Variants in CTIF observed in about 807,000 individuals in gnomAD.
CTIF encodes cap binding complex dependent translation initiation factor.
Under a neutral mutation model 66.0 loss-of-function variants are expected in CTIF, and 21 were observed. The ratio of observed to expected loss-of-function variants is 0.32; its 90% CI spans 0.23 to 0.46. The LOEUF (loss-of-function observed/expected upper bound fraction) is 0.46. CTIF is among the 20% of genes least tolerant of loss of function. The probability of loss-of-function intolerance (pLI) is 1.00; values close to 1 mark genes in which losing one functional copy is unlikely to be tolerated. For synonymous variants in CTIF, 345 were observed against 326.4 expected (o/e 1.06, Z -0.62); for missense variants, 739 against 812.7 (o/e 0.91, Z 1.10).
At chr18:48,676,976 A>G (rs992198061) in intron 6 of CTIF, among the ~76,000 whole-genome samples, 4 of 151,884 alleles carry the variant, frequency 2.6e-5, no homozygotes, top group Non-Finnish European at 5.9e-5. Context: ...CGCTGCTGCT[A>G]TTTAGTAATG....
chr18:48,716,063 A>G (rs1204810925), intron 7 of CTIF, among the ~76,000 whole-genome samples: 1 of 152,210 alleles, frequency 6.6e-6, no homozygotes, highest in East Asian at 1.9e-4. Context: ...GGCTGTCTGC[A>G]CAGCACTTCC....
At chr18:48,846,000 T>C (rs1229227243) in intron 10 of CTIF, among the ~76,000 whole-genome samples, 1 of 152,118 alleles carries the variant, frequency 6.6e-6, no homozygotes, top group Non-Finnish European at 1.5e-5. Context: ...TACCTACATC[T>C]CCATGCTATG....
chr18:48,836,903 A>T (rs74691375), intron 10 of CTIF, among the ~76,000 whole-genome samples: 13,281 of 152,230 alleles, frequency 0.087, 650 homozygotes, highest in Middle Eastern at 0.12. Context: ...GCCGGGGCCC[A>T]GTGGGACACC....
chr18:48,857,101 AG>A lies in CTIF; in HGVS notation c.1528-486del, dbSNP rs1262246278. Among the ~76,000 whole-genome samples, 15 of 152,296 alleles carry A rather than the reference AG, an allele frequency of 9.8e-5. No homozygotes were observed. In the East Asian group the frequency reaches 1.9e-3, roughly 20 times the overall value. ...AAAGTCTACAGCACTGGGCCAGTGG[AG>A]AAGAGGGCTTTGACTCCTGGACTTC... is the stretch of plus-strand genomic sequence containing the variant. On this transcript the variant is annotated intron_variant, in intron 10 of 11. Coordinates refer to ENST00000256413, the MANE Select transcript of CTIF (RefSeq NM_014772.3).
At chr18:48,821,419 C>A in intron 10 of CTIF, among the ~76,000 whole-genome samples, 1 of 152,244 alleles carries the variant, frequency 6.6e-6, no homozygotes, top group East Asian at 1.9e-4. Flanking sequence ...TTGCTCAGGG[C>A]CACACAGCCA....
intron 7 of CTIF, among the ~76,000 whole-genome samples, chr18:48,751,891 A>G (rs938827520): frequency 1.3e-5 from 2 of 152,220 alleles, no homozygotes; most frequent in Admixed American, 6.5e-5. Context: ...GAGTCTCAGC[A>G]TGTGTTTAAT....
intron 1 of CTIF, among the ~76,000 whole-genome samples, chr18:48,608,475 G>A (rs1471359649): frequency 3.4e-5 from 5 of 146,038 alleles, no homozygotes; most frequent in East Asian, 2.2e-4. Context: ...GGCGGTCATC[G>A]AAAGTGGTGG....
chr18:48,583,852 G>A (rs2089713715), intron 1 of CTIF, among the ~76,000 whole-genome samples: 1 of 152,232 alleles, frequency 6.6e-6, no homozygotes, highest in African/African-American at 2.4e-5. Context: ...GGAATGATGG[G>A]AAGAAGCAGG....
intron 1 of CTIF, among the ~76,000 whole-genome samples, chr18:48,574,333 C>T (rs2089483684): frequency 6.6e-6 from 1 of 152,216 alleles, no homozygotes; most frequent in Non-Finnish European, 1.5e-5. Context: ...CAGTTCTTTG[C>T]CTCCTCTGTT....
In CTIF at chr18:48,799,600, A is replaced by G. The variant is rs921180963; in HGVS notation, c.1372-17621A>G. 2.6e-5 allele frequency among the ~76,000 whole-genome samples: 4 copies of G among 151,986 alleles called. 1 individual carries two copies. The highest frequency in any genetic ancestry group is 3.8e-4 in the East Asian group (2 of 5,198). ...CCACCCTTTCTCCTGGGGAACTTCT[A>G]TAATAGCCCAAAGCCAGAGTAATTT... On this transcript the variant is annotated intron_variant, in intron 9 of 11. Coordinates refer to ENST00000256413, the MANE Select transcript of CTIF (RefSeq NM_014772.3).
At chr18:48,674,131 C>G (rs1251195142) in intron 6 of CTIF, among the ~76,000 whole-genome samples, 1 of 152,246 alleles carries the variant, frequency 6.6e-6, no homozygotes, top group Non-Finnish European at 1.5e-5. Context: ...GACAAGTGCT[C>G]TGCCCTAGCC....
chr18:48,811,766 T>C (rs2068262942), intron 9 of CTIF, among the ~76,000 whole-genome samples: 1 of 152,226 alleles, frequency 6.6e-6, no homozygotes, highest in Admixed American at 6.5e-5. Flanking sequence ...CTGAATAGTA[T>C]TCCACTGTAT....
chr18:48,708,682 T>A (rs1182653548), intron 6 of CTIF, among the ~76,000 whole-genome samples: 1 of 152,178 alleles, frequency 6.6e-6, no homozygotes, highest in Non-Finnish European at 1.5e-5. Context: ...GTCACCTCTG[T>A]CACTTTGTTC....
At chr18:48,733,236 G>A (rs181450227) in intron 7 of CTIF, among the ~76,000 whole-genome samples, 5 of 151,668 alleles carry the variant, frequency 3.3e-5, no homozygotes, top group South Asian at 2.1e-4. Flanking sequence ...AGGAGGGGCC[G>A]AGAGGGAAGT....
At chr18:48,659,603 G>C (rs1351405216) in intron 3 of CTIF, among the ~76,000 whole-genome samples, 1 of 152,254 alleles carries the variant, frequency 6.6e-6, no homozygotes, top group Admixed American at 6.5e-5. Context: ...GAGAATCAGA[G>C]TTGCAGTCAT....
At chr18:48,638,355 T>C (rs2144644117) in intron 3 of CTIF, among the ~76,000 whole-genome samples, 1 of 152,300 alleles carries the variant, frequency 6.6e-6, no homozygotes, top group South Asian at 2.1e-4. Flanking sequence ...TTCTGGAATG[T>C]TCCAATGAAG....
rs1349427440 is a variant in CTIF at position 48,859,833 on chromosome 18, A to T, written c.*274A>T. On this transcript the variant is annotated 3_prime_UTR_variant, in exon 12 of 12. Coordinates refer to ENST00000256413, the MANE Select transcript of CTIF (RefSeq NM_014772.3). ...GGTGGCCCTGGCCCTCCCCTTCCTC[A>T]CTCCCGCCTCTCCCCTCCCCATCAG... The T allele has an allele frequency of 1.6e-6, 1 of 614,938 alleles. No individual in the cohort carries two copies. Among genetic ancestry groups the T allele is most frequent in the South Asian group, 1.5e-5 (1 of 65,896 alleles). The allele number at this position is 614,938 out of a possible 1,614,324, so 38.1% of individuals were successfully genotyped here. A position where few individuals can be genotyped will look rare whatever the true frequency, so the allele number is the denominator to read the frequency against.
intron 3 of CTIF, among the ~76,000 whole-genome samples, chr18:48,638,518 A>C (rs2090865833): frequency 6.6e-6 from 1 of 150,952 alleles, no homozygotes; most frequent in Non-Finnish European, 1.5e-5. Context: ...CACCTCCCGC[A>C]CCCAGCTGTC....
chr18:48,655,899 G>A (rs2091240092), intron 3 of CTIF, among the ~76,000 whole-genome samples: 1 of 152,214 alleles, frequency 6.6e-6, no homozygotes, highest in Non-Finnish European at 1.5e-5. Flanking sequence ...CCCCACATAT[G>A]CACTTGCACA....
Sources: allele counts gnomAD v4.1 joint callset (sites outside exome capture counted in the v4.1 genomes callset), GRCh38; gene constraint gnomAD v4.1.1; transcripts MANE v1.5; gene names NCBI Gene and HGNC (gene_info 2026-07-23, HGNC 2026-07-21).